The following IQCB1 variants were observed in gnomAD, a reference collection of about 807,000 sequenced individuals.
IQCB1 encodes IQ calmodulin-binding motif-containing protein 1.
A neutral mutation model predicts 84.4 loss-of-function variants in IQCB1; 56 were observed. The ratio of observed to expected loss-of-function variants is 0.66; its 90% CI spans 0.54 to 0.83. IQCB1 has a LOEUF of 0.83. IQCB1 is among the 40% of genes least tolerant of loss of function. IQCB1 has a pLI of 0.00. For missense variants in IQCB1, 629 were observed against 682.1 expected (o/e 0.92, Z 0.87); for synonymous variants, 210 against 234.8 (o/e 0.89, Z 0.96).
At chr3:121,787,025 T>C (rs561053036) in intron 12 of IQCB1, among the ~76,000 whole-genome samples, 1 of 152,290 alleles carries the variant, frequency 6.6e-6, no homozygotes, top group South Asian at 2.1e-4. Context: ...GATGGCTTTG[T>C]TTAGCAGAAA....
intron 4 of IQCB1, among the ~76,000 whole-genome samples, chr3:121,828,239 GA>G (rs1203012884): frequency 6.6e-6 from 1 of 151,586 alleles, no homozygotes; most frequent in Non-Finnish European, 1.5e-5. Context: ...TCAGTGGTGA[GA>G]AAAAAAATGA....
At chr3:121,831,843 G>A (rs1251195600) in intron 2 of IQCB1, among the ~76,000 whole-genome samples, 1 of 152,188 alleles carries the variant, frequency 6.6e-6, no homozygotes, top group Admixed American at 6.5e-5. Context: ...AAAGCCCAGT[G>A]CAACTCCCGG....
intron 5 of IQCB1, among the ~76,000 whole-genome samples, chr3:121,822,593 C>A (rs983836267): frequency 1.3e-5 from 2 of 152,188 alleles, no homozygotes; most frequent in Non-Finnish European, 2.9e-5. Context: ...CCAGCAATTT[C>A]ATCTTTTGCC....
At chr3:121,797,263 T>C (rs563535100) in intron 8 of IQCB1, 36 bp from the exon 9 acceptor site, 69 of 933,828 alleles carry the variant, frequency 7.4e-5, no homozygotes, top group Non-Finnish European at 1.1e-4. Flanking sequence ...ACTATTATTA[T>C]AATAATAAAA....
chr3:121,825,028 G>A (rs1378121935), intron 5 of IQCB1, among the ~76,000 whole-genome samples: 6 of 151,498 alleles, frequency 4.0e-5, no homozygotes, highest in Non-Finnish European at 8.8e-5. Flanking sequence ...AGTTAAGATG[G>A]AACTGTGCAA....
chr3:121,782,902 C>A (rs147983556), intron 12 of IQCB1, among the ~76,000 whole-genome samples: 7 of 152,272 alleles, frequency 4.6e-5, no homozygotes, highest in African/African-American at 1.7e-4. Flanking sequence ...GCTGTGATCT[C>A]TTGACCTTGT....
chr3:121,786,170 C>CAAGAAA, intron 12 of IQCB1, among the ~76,000 whole-genome samples: 67 of 72,832 alleles, frequency 9.2e-4, no homozygotes, highest in Middle Eastern at 5.4e-3. Context: ...GATTCTGTCT[C>CAAGAAA]AAAAGAAAAG....
Position 121,797,149 on chromosome 3 carries a change from C to T in IQCB1, c.845G>A (p.Ser282Asn), listed in dbSNP as rs774809243. Residue 282 changes from serine to asparagine, a missense_variant, in exon 9 of 15, where the codon AGC becomes AAC. Physicochemically the swap from Ser to Asn is conservative, Grantham distance 46 (BLOSUM62 1). Coordinates refer to ENST00000310864, the MANE Select transcript of IQCB1 (RefSeq NM_001023570.4). ...QELRQLVGLL[S>N]PMVYQEVEEQ... ...TTCTACTTCCTGATAGACCATTGGG[C>T]TTAAAAGGCCAACAAGCTGTCTAAG... 6.2e-7 allele frequency: 1 copy of T among 1,606,278 alleles called. No homozygotes were observed. The highest frequency in any genetic ancestry group is 1.7e-5 in the Admixed American group (1 of 59,932).
chr3:121,834,660 A>G (rs1199512272), intron 1 of IQCB1, among the ~76,000 whole-genome samples, 181 bp from the exon 2 acceptor site: 1 of 152,218 alleles, frequency 6.6e-6, no homozygotes, highest in Non-Finnish European at 1.5e-5. Flanking sequence ...TACTGAGGTA[A>G]CAGCGTCGCT....
At chr3:121,833,167 T>C (rs1436018086) in intron 2 of IQCB1, among the ~76,000 whole-genome samples, 5 of 152,200 alleles carry the variant, frequency 3.3e-5, no homozygotes, top group Non-Finnish European at 7.3e-5. Flanking sequence ...TCCTGGCACA[T>C]AGTAAGAGCT....
chr3:121,778,050 GACAGGCATCA>G (rs1489104047), intron 13 of IQCB1, among the ~76,000 whole-genome samples: 4 of 152,018 alleles, frequency 2.6e-5, no homozygotes, highest in Admixed American at 2.6e-4. Context: ...TGGGACCACA[GACAGGCATCA>G]ACATGCCTGG....
intron 5 of IQCB1, among the ~76,000 whole-genome samples, chr3:121,818,463 G>C (rs1950155013): frequency 6.6e-6 from 1 of 152,140 alleles, no homozygotes. Flanking sequence ...CTTCAAACAG[G>C]GATGCCAAAA....
In IQCB1 at chr3:121,834,993, A is replaced by C; in HGVS notation, c.-129T>G. ...CATCCTCGCTTCGCGTTCTTCCACT[A>C]AAGAACCTGGGGCTCCCACGCCGCA... is the stretch of plus-strand genomic sequence containing the variant. On this transcript the variant is annotated 5_prime_UTR_variant, in exon 1 of 15. Transcript: ENST00000310864. 9 of 434,798 alleles carry C rather than the reference A, an allele frequency of 2.1e-5. No homozygotes were observed. Among genetic ancestry groups the C allele is most frequent in the East Asian group, 7.3e-5 (2 of 27,554 alleles). The allele number at this position is 434,798 out of a possible 1,614,324, so 26.9% of individuals were successfully genotyped here. A position where few individuals can be genotyped will look rare whatever the true frequency, so the allele number is the denominator to read the frequency against.
Position 121,828,626 on chromosome 3 carries a change from A to T in IQCB1, c.107T>A (p.Ile36Lys). ...PVILLKLKEI[I>K]NITPLGSSEL... ...TGAGCTTCCTAAAGGTGTGATGTTT[A>T]TTATTTCTAAGGCAAAAGGAAATAA... The change falls in exon 4 of 15, where the codon ATA becomes AAA. Residue 36 changes from isoleucine (I) to lysine (K), a missense_variant. Ile to Lys is a moderately radical substitution (Grantham distance 102). Transcript: ENST00000310864. 6.3e-7 allele frequency: 1 copy of T among 1,592,894 alleles called. No individual in the cohort carries two copies. Among genetic ancestry groups the T allele is most frequent in the Non-Finnish European group, 8.6e-7 (1 of 1,161,190 alleles).
At chr3:121,815,723 G>C (rs565179114) in intron 5 of IQCB1, among the ~76,000 whole-genome samples, 2 of 151,914 alleles carry the variant, frequency 1.3e-5, no homozygotes, top group Non-Finnish European at 2.9e-5. Context: ...CCTCTTCAAG[G>C]ATAACTACAA....
intron 5 of IQCB1, among the ~76,000 whole-genome samples, chr3:121,815,127 T>C (rs1325581111): frequency 6.6e-6 from 1 of 152,126 alleles, no homozygotes; most frequent in Non-Finnish European, 1.5e-5. Flanking sequence ...ATAAAAGTAA[T>C]CCATCACATA....
At position 121,810,784 on chromosome 3, in the gene IQCB1, T is replaced by C. The variant is rs527830895; in HGVS notation, c.394-1775A>G. Among the ~76,000 whole-genome samples, 14 of 152,306 alleles carry C rather than the reference T, an allele frequency of 9.2e-5. No individual in the cohort carries two copies. In the East Asian group the frequency reaches 2.7e-3, roughly 29 times the overall value. On this transcript the variant is annotated intron_variant, in intron 5 of 14. Transcript: ENST00000310864. Reference sequence around the variant, plus strand: ...TGCTATAGAACCTAGAGTTAGTTTGTGGCACAGCCAGCAAAAGAAATCAAA... The same window carrying C: ...TGCTATAGAACCTAGAGTTAGTTTGCGGCACAGCCAGCAAAAGAAATCAAA...
intron 5 of IQCB1, among the ~76,000 whole-genome samples, chr3:121,820,971 G>C (rs1576608699): frequency 1.2e-5 from 1 of 86,696 alleles, no homozygotes; most frequent in Non-Finnish European, 2.4e-5. Flanking sequence ...AACTTTTTCT[G>C]TTTTTTCCTT....
chr3:121,777,909 AC>A (rs1948295515), intron 13 of IQCB1, among the ~76,000 whole-genome samples: 1 of 144,584 alleles, frequency 6.9e-6, no homozygotes, highest in Non-Finnish European at 1.5e-5. Flanking sequence ...TTTCTTGCCC[AC>A]TTTTTTTTTT....
Sources: allele counts gnomAD v4.1 joint callset (sites outside exome capture counted in the v4.1 genomes callset), GRCh38; gene constraint gnomAD v4.1.1; transcripts MANE v1.5; gene names NCBI Gene and HGNC (gene_info 2026-07-23, HGNC 2026-07-21).